The following KDM4A variants were observed in gnomAD, a reference collection of about 807,000 sequenced individuals.
The protein encoded by KDM4A is lysine demethylase 4A.
Under a neutral mutation model 127.1 loss-of-function variants are expected in KDM4A, and 23 were observed. That is an observed-to-expected ratio of 0.18 (90% CI 0.13 to 0.26). KDM4A has a LOEUF of 0.26. Ranked by LOEUF, KDM4A falls within the 10% of genes least tolerant of loss-of-function variation. The probability of loss-of-function intolerance (pLI) is 1.00; values close to 1 mark genes in which losing one functional copy is unlikely to be tolerated. For missense variants in KDM4A, 890 were observed against 1,329.1 expected, an observed-to-expected ratio of 0.67 and a Z score of 5.14; for synonymous variants, 443 against 466.5, an observed-to-expected ratio of 0.95 and a Z score of 0.65.
chr1:43,684,062 G>T (rs1007437500), intron 12 of KDM4A, among the ~76,000 whole-genome samples: 2 of 152,142 alleles, frequency 1.3e-5, no homozygotes, highest in Non-Finnish European at 2.9e-5. Context: ...TTCCTGGGAG[G>T]TACAAGGCTG....
chr1:43,655,914 T>A, intron 3 of KDM4A, 148 bp downstream of exon 3: 2 of 541,006 alleles, frequency 3.7e-6, no homozygotes, highest in Non-Finnish European at 6.1e-6. Flanking sequence ...GCTTTTTTTA[T>A]GGAAGCATTC....
chr1:43,661,414 C>G (rs1478712793), intron 4 of KDM4A, among the ~76,000 whole-genome samples: 4 of 151,400 alleles, frequency 2.6e-5, no homozygotes, highest in Non-Finnish European at 5.9e-5. Flanking sequence ...TGAGACCACT[C>G]TGGCTGACAT....
chr1:43,673,695 T>A (rs1387305481), intron 11 of KDM4A, among the ~76,000 whole-genome samples: 2 of 152,228 alleles, frequency 1.3e-5, no homozygotes, highest in African/African-American at 4.8e-5. Flanking sequence ...CTGTGCCTTC[T>A]TATGGCAGCT....
chr1:43,704,349 A>G lies in KDM4A; in HGVS notation c.3174A>G (p.Leu1058=). The G allele has an allele frequency of 2.5e-6, 4 of 1,613,562 alleles. No individual in the cohort carries two copies. The highest frequency in any genetic ancestry group is 2.5e-6 in the Non-Finnish European group (3 of 1,179,892). ...RYREDYIEPA[L]YRAIME ...GGGAAGATTATATTGAGCCTGCACT[A>G]TACCGGGCCATCATGGAGTAGGTGC... The change falls in exon 22 of 22, where the codon CTA becomes CTG. Residue 1058 remains leucine, a synonymous_variant. Coordinates refer to ENST00000372396, the MANE Select transcript of KDM4A (RefSeq NM_014663.3).
At chr1:43,655,551 G>C (rs760518416) in intron 2 of KDM4A, 40 bp from the exon 3 acceptor site, 3 of 1,547,486 alleles carry the variant, frequency 1.9e-6, no homozygotes, top group Non-Finnish European at 2.6e-6. Flanking sequence ...TGGCTTGCCA[G>C]GTTTCTCATC....
intron 9 of KDM4A, 84 bp downstream of exon 9, chr1:43,668,103 G>GTT (rs367999082): frequency 1.3e-6 from 2 of 1,516,252 alleles, no homozygotes; most frequent in African/African-American, 1.4e-5. Context: ...GCTGTTTCTT[G>GTT]TTTTTTTTGT....
intron 14 of KDM4A, 84 bp from the exon 15 acceptor site, chr1:43,691,412 A>G: frequency 9.2e-7 from 1 of 1,088,818 alleles, no homozygotes. Flanking sequence ...TAGCTTTGGG[A>G]GGTGGTATAT....
chr1:43,699,669 A>G (rs1661335260), intron 19 of KDM4A: 1 of 152,128 alleles, frequency 6.6e-6, no homozygotes, highest in South Asian at 2.1e-4. Context: ...AACTTTTCTA[A>G]AACAAAAACA....
At chr1:43,652,832 G>A (rs567534069) in intron 1 of KDM4A, among the ~76,000 whole-genome samples, 12 of 151,356 alleles carry the variant, frequency 7.9e-5, no homozygotes, top group African/African-American at 2.2e-4. Context: ...GCAGGTGCCC[G>A]CCACCATGCC....
intron 10 of KDM4A, among the ~76,000 whole-genome samples, chr1:43,670,287 T>C (rs138400877): frequency 6.6e-6 from 1 of 152,338 alleles, no homozygotes; most frequent in African/African-American, 2.4e-5. Flanking sequence ...CACTGTGGAC[T>C]GACACCCTGG....
chr1:43,658,341 G>A (rs1660295620), intron 3 of KDM4A, among the ~76,000 whole-genome samples: 1 of 152,080 alleles, frequency 6.6e-6, no homozygotes, highest in Non-Finnish European at 1.5e-5. Flanking sequence ...CAAATGCTGG[G>A]ATTACAGGCA....
chr1:43,690,647 A>C, intron 13 of KDM4A, 198 bp from the exon 14 acceptor site: 2 of 622,830 alleles, frequency 3.2e-6, no homozygotes, highest in South Asian at 3.8e-5. Flanking sequence ...GGGCCTTTGT[A>C]TGATGCTGCT....
chr1:43,698,117 C>T (rs1661288218), intron 19 of KDM4A, 104 bp downstream of exon 19: 3 of 1,071,638 alleles, frequency 2.8e-6, no homozygotes, highest in East Asian at 4.8e-5. Flanking sequence ...AGCCAGGTCC[C>T]TGGTCCCATC....
In KDM4A at chr1:43,694,303, G is replaced by C. The variant is rs1423009134; in HGVS notation, c.2484+201G>C. On this transcript the variant is annotated intron_variant, in intron 17 of 21. Transcript: ENST00000372396. The surrounding 1 kb of genome is among the most constrained non-coding windows in gnomAD (Gnocchi z 5.2). The stretch of plus-strand genomic sequence containing the variant: ...GGGCCGAGGTGGGTGAACCACTTGA[G>C]GTCAGGAGTTCAAGACCAGCCTGGG... Among the ~76,000 whole-genome samples, 2 of 152,066 alleles carry C rather than the reference G, an allele frequency of 1.3e-5. No homozygotes were observed. The highest frequency in any genetic ancestry group is 4.8e-5 in the African/African-American group (2 of 41,402).
intron 13 of KDM4A, among the ~76,000 whole-genome samples, chr1:43,689,918 C>T (rs188120185): frequency 6.6e-6 from 1 of 152,312 alleles, no homozygotes; most frequent in Admixed American, 6.5e-5. Flanking sequence ...AAAACCAAAG[C>T]CTTTGCCTAT....
At chr1:43,663,351 C>T (rs1454077756) in intron 5 of KDM4A, among the ~76,000 whole-genome samples, 1 of 152,162 alleles carries the variant, frequency 6.6e-6, no homozygotes, top group Admixed American at 6.6e-5. Flanking sequence ...TCCAGGCTAT[C>T]CCACTGCTTT....
In KDM4A at chr1:43,688,948, TGAG is replaced by T. The variant is rs767927278; in HGVS notation, c.1894_1896del (p.Glu632del). 2.5e-6 allele frequency: 4 copies of T among 1,614,158 alleles called. No homozygotes were observed. Among genetic ancestry groups the T allele is most frequent in the Non-Finnish European group, 3.4e-6 (4 of 1,180,016 alleles). The stretch of plus-strand genomic sequence containing the variant: ...AACAGCTGACCCCTGAGGAAGAGGC[TGAG>T]GAGACAGAGGCCTGGGCCAAGCCTC... On this transcript the variant is annotated inframe_deletion, in exon 13 of 22. Coordinates refer to ENST00000372396, the MANE Select transcript of KDM4A (RefSeq NM_014663.3). This position sits in a 1 kb window ranked among gnomAD's most constrained non-coding sequence, Gnocchi z 4.4.
In KDM4A at chr1:43,703,362, ACTCCTGTGTT is replaced by A. The variant is rs1196693946; in HGVS notation, c.2842-254_2842-245del. ...GAAGGACTCTTGATTCTGGCACTTA[ACTCCTGTGTT>A]TACTAAGTTTGTTATAGCTGGATTT... On this transcript the variant is annotated intron_variant, in intron 19 of 21. Transcript: ENST00000372396. The A allele has an allele frequency of 8.6e-6, 3 of 349,570 alleles. No individual in the cohort carries two copies. In the East Asian group the frequency reaches 1.7e-4, roughly 20 times the overall value. 21.7% of individuals were successfully genotyped at this position (349,570 alleles called of 1,614,324 possible).
At chr1:43,653,374 T>C (rs2154046200) in intron 2 of KDM4A, 61 bp downstream of exon 2, 1 of 1,496,412 alleles carries the variant, frequency 6.7e-7, no homozygotes. Context: ...AAGATTTTTT[T>C]CCTACATTTG....
Sources: allele counts gnomAD v4.1 joint callset (sites outside exome capture counted in the v4.1 genomes callset), GRCh38; gene constraint gnomAD v4.1.1; non-coding constraint Gnocchi (gnomAD v3.1); transcripts MANE v1.5; gene names NCBI Gene and HGNC (gene_info 2026-07-23, HGNC 2026-07-21).